The following RBM28 variants were observed in gnomAD, a reference collection of about 807,000 sequenced individuals.
The protein encoded by RBM28 is RNA binding motif protein 28, also known as RNA-binding protein 28.
RBM28 carries 78 observed loss-of-function variants against 98.3 expected under a neutral mutation model. The observed-to-expected ratio is 0.79, with a 90% CI of 0.66 to 0.96. The LOEUF (loss-of-function observed/expected upper bound fraction) is 0.96, where lower values mean the gene tolerates loss of function less well. RBM28 is among the 40% of genes least tolerant of loss of function. The pLI, the probability that RBM28 is intolerant of heterozygous loss-of-function variation, is 0.00. For missense variants in RBM28, 838 were observed against 913.0 expected, an observed-to-expected ratio of 0.92 and a Z score of 1.06; for synonymous variants, 306 against 330.9, an observed-to-expected ratio of 0.92 and a Z score of 0.82.
Position 128,310,628 on chromosome 7 carries a change from A to G in RBM28, c.*169T>C. The G allele has an allele frequency of 1.3e-6, 1 of 790,734 alleles. No individual in the cohort carries two copies. Among genetic ancestry groups the G allele is most frequent in the Admixed American group, 2.2e-5 (1 of 44,790 alleles). The allele number at this position is 790,734 out of a possible 1,614,324, so 49.0% of individuals were successfully genotyped here. A position where few individuals can be genotyped will look rare whatever the true frequency, so the allele number is the denominator to read the frequency against. On this transcript the variant is annotated 3_prime_UTR_variant, in exon 19 of 19. Transcript: ENST00000223073. ...TTTGTGGCTAACGAACCACACATCA[A>G]AGGATGGACCAAAGTTCAGATGTAC...
At chr7:128,311,085 G>T (rs1489525672) in intron 18 of RBM28, among the ~76,000 whole-genome samples, 154 bp from the exon 19 acceptor site, 1 of 152,164 alleles carries the variant, frequency 6.6e-6, no homozygotes, top group East Asian at 1.9e-4. Flanking sequence ...AGAGAGAAAG[G>T]CTCAAACAGA....
intron 1 of RBM28, 109 bp downstream of exon 1, chr7:128,343,567 T>A (rs1796774527): frequency 5.4e-6 from 4 of 746,234 alleles, no homozygotes. Context: ...CTCAGTTCCC[T>A]GTCCCTTCTC....
rs753705888 is a variant in RBM28, at chr7:128,321,336, A to ACAGC, written c.1489_1492dup (p.Val498GlyfsTer4). ...CAGCTTTCTGAGCTGTTTGTCATCT[A>ACAGC]CAGCCTTTGGGAGATTGTGCAGGCA... On this transcript the variant is annotated frameshift_variant, in exon 14 of 19. Transcript: ENST00000223073. LOFTEE classifies it high-confidence loss of function. 3.7e-6 allele frequency: 6 copies of ACAGC among 1,614,200 alleles called. No individual in the cohort carries two copies. In the Admixed American group the frequency reaches 1.0e-4, roughly 27 times the overall value.
In RBM28 at chr7:128,324,571, C is replaced by T; in HGVS notation, c.1327G>A (p.Ala443Thr). The change falls in exon 12 of 19, where the codon GCC becomes ACC. Residue 443 changes from alanine (A) to threonine (T), a missense_variant. Physicochemically the swap from Ala to Thr is moderately conservative, Grantham distance 58 (BLOSUM62 0). Transcript: ENST00000223073. ...KPTGTRNLYL[A>T]REGLIRAGTK... is the part of the protein sequence containing the mutation. Reference sequence around the variant, plus strand: ...TCTCCCTACTCACAGCCTTCTCGGGCCAGATAGAGATTCCGGGTGCCAGTC... The same window carrying T: ...TCTCCCTACTCACAGCCTTCTCGGGTCAGATAGAGATTCCGGGTGCCAGTC... 1 of 1,614,180 alleles carries T rather than the reference C, an allele frequency of 6.2e-7. No individual in the cohort carries two copies. The highest frequency in any genetic ancestry group is 1.3e-5 in the African/African-American group (1 of 75,040).
chr7:128,326,717 G>C (rs924055645), intron 10 of RBM28, among the ~76,000 whole-genome samples: 1 of 152,144 alleles, frequency 6.6e-6, no homozygotes, highest in Non-Finnish European at 1.5e-5. Context: ...CTATGACACA[G>C]GCACTATGTT....
In RBM28 at chr7:128,337,161, A is replaced by C; in HGVS notation, c.583T>G (p.Tyr195Asp). Residue 195 changes from tyrosine (Y) to aspartate (D), a missense_variant, in exon 6 of 19, where the codon TAT (tyrosine) becomes GAT (aspartate). Physicochemically the swap from Tyr to Asp is radical, Grantham distance 160. Transcript: ENST00000223073. ...AVDWAVAKDK[Y>D]KDTQSVSAIG... ...GCAGAAACAGACTGTGTATCTTTAT[A>C]TTTATCCTTTGCCACGGCCCAATCC... is the stretch of plus-strand genomic sequence containing the variant. 6.2e-7 allele frequency: 1 copy of C among 1,614,128 alleles called. No homozygotes were observed. Among genetic ancestry groups the C allele is most frequent in the Non-Finnish European group, 8.5e-7 (1 of 1,180,012 alleles).
chr7:128,329,814 A>G (rs6467174), intron 10 of RBM28, among the ~76,000 whole-genome samples: 16,702 of 141,114 alleles, frequency 0.12, 1,490 homozygotes, highest in African/African-American at 0.25. Flanking sequence ...GCGTGAACCC[A>G]GGAGGCGGAG....
intron 13 of RBM28, among the ~76,000 whole-genome samples, chr7:128,322,003 G>A (rs1016429555): frequency 1.3e-5 from 2 of 151,060 alleles, no homozygotes; most frequent in African/African-American, 2.4e-5. Context: ...AGCCAGGATC[G>A]TGCCATTGCA....
chr7:128,343,584 G>T (rs1014348998), intron 1 of RBM28, 92 bp downstream of exon 1: 29 of 862,090 alleles, frequency 3.4e-5, no homozygotes, highest in Non-Finnish European at 5.0e-5. Context: ...TCTCTTCGGG[G>T]AGGGTAAAGA....
chr7:128,331,331 T>TAA lies in RBM28; in HGVS notation c.1020-405_1020-404dup, dbSNP rs34522896. Among the ~76,000 whole-genome samples, 309 of 139,392 alleles carry TAA rather than the reference T, an allele frequency of 2.2e-3. 2 individuals are homozygous for TAA. Among genetic ancestry groups the TAA allele is most frequent in the Middle Eastern group, 7.2e-3 (2 of 276 alleles). 91.4% of individuals were successfully genotyped at this position (139,392 alleles called of 152,430 possible). A position where few individuals can be genotyped will look rare whatever the true frequency, so the allele number is the denominator to read the frequency against. On this transcript the variant is annotated intron_variant, in intron 9 of 18. Coordinates refer to ENST00000223073, the MANE Select transcript of RBM28 (RefSeq NM_018077.3). Reference sequence around the variant, plus strand: ...ACTTTACAGAATCTATGTTATACCTTAAAAAAAAAAAAAAAAGTGGTGTCC... The same window carrying TAA: ...ACTTTACAGAATCTATGTTATACCTTAAAAAAAAAAAAAAAAAAGTGGTGTCC...
intron 2 of RBM28, 138 bp downstream of exon 2, chr7:128,339,495 A>G: frequency 8.1e-7 from 1 of 1,237,208 alleles, no homozygotes; most frequent in South Asian, 1.3e-5. Flanking sequence ...ATCACAATAC[A>G]CTGGATGATT....
In RBM28 at chr7:128,309,265, GAC is replaced by G. The variant is rs1383927828; in HGVS notation, c.*1530_*1531del. On this transcript the variant is annotated 3_prime_UTR_variant, in exon 19 of 19. Coordinates refer to ENST00000223073, the MANE Select transcript of RBM28 (RefSeq NM_018077.3). ...ACAAAGCATACATTCTAACTGGAGA[GAC>G]AAACAATTTCAGATAGAGATTAGTG... 6.6e-6 allele frequency: 1 copy of G among 152,220 alleles called. No homozygotes were observed. Among genetic ancestry groups the G allele is most frequent in the African/African-American group, 2.4e-5 (1 of 41,436 alleles). The allele number at this position is 152,220 out of a possible 1,614,324, so 9.4% of individuals were successfully genotyped here. A position where few individuals can be genotyped will look rare whatever the true frequency, so the allele number is the denominator to read the frequency against.
chr7:128,338,409 A>AT (rs2116389756), intron 4 of RBM28, 67 bp from the exon 5 acceptor site: 1 of 1,328,998 alleles, frequency 7.5e-7, no homozygotes, highest in African/African-American at 1.4e-5. Flanking sequence ...TAAGAAGTAA[A>AT]TTACTGCAAT....
At chr7:128,324,484 G>A in intron 12 of RBM28, 75 bp downstream of exon 12, 6 of 1,591,192 alleles carry the variant, frequency 3.8e-6, no homozygotes, top group Non-Finnish European at 5.2e-6. Flanking sequence ...ATGCTTCCAG[G>A]CATACTATTG....
Position 128,336,042 on chromosome 7 carries a change from C to T in RBM28, c.614G>A (p.Gly205Asp), listed in dbSNP as rs757954490. The change falls in exon 7 of 19, where the codon GGT becomes GAT. Residue 205 changes from glycine to aspartate, a missense_variant and splice_region_variant. Gly to Asp is a moderately conservative substitution (Grantham distance 94, BLOSUM62 -1). Coordinates refer to ENST00000223073, the MANE Select transcript of RBM28 (RefSeq NM_018077.3). ...YKDTQSVSAI[G>D]EEKSHESKHQ... Reference sequence around the variant, plus strand: ...TTTAGATTCATGGCTCTTTTCCTCACCTATGGAGGGAGGTAAAGAAAGGAG... The same window carrying T: ...TTTAGATTCATGGCTCTTTTCCTCATCTATGGAGGGAGGTAAAGAAAGGAG... 3.7e-6 allele frequency: 6 copies of T among 1,607,796 alleles called. No homozygotes were observed. In the South Asian group the frequency reaches 5.5e-5, roughly 15 times the overall value.
intron 3 of RBM28, 148 bp from the exon 4 acceptor site, chr7:128,338,949 G>A: frequency 1.3e-6 from 1 of 753,240 alleles, no homozygotes; most frequent in Non-Finnish European, 2.3e-6. Context: ...TTTCTAAATA[G>A]AAGACATTTT....
chr7:128,343,789 G>A lies in RBM28; in HGVS notation c.5C>T (p.Ala2Val). ...GCGGCCCACAAATAAGGTCAGGCCG[G>A]CCATGAGACCGGGAAACCCAAAGCG... M[A>V]GLTLFVGRLP... The change falls in exon 1 of 19, where the codon GCC becomes GTC. Residue 2 changes from alanine to valine, a missense_variant. Coordinates refer to ENST00000223073, the MANE Select transcript of RBM28 (RefSeq NM_018077.3). 5 of 1,596,238 alleles carry A rather than the reference G, an allele frequency of 3.1e-6. No individual in the cohort carries two copies. The highest frequency in any genetic ancestry group is 3.4e-6 in the Non-Finnish European group (4 of 1,171,214).
In RBM28 at chr7:128,317,687, A is replaced by G; in HGVS notation, c.1760T>C (p.Met587Thr). Reference sequence around the variant, plus strand: ...GCTGCGCTGGATCCTTAATTCCTTCATTTTAAGTTTTCTTCGATCTTCTAA... The same window carrying G: ...GCTGCGCTGGATCCTTAATTCCTTCGTTTTAAGTTTTCTTCGATCTTCTAA... The part of the protein sequence containing the change: ...FSLEDRRKLK[M>T]KELRIQRSLQ... The change falls in exon 16 of 19, where the codon ATG becomes ACG. Residue 587 changes from methionine (M) to threonine (T), a missense_variant. By Grantham distance (81) the Met-to-Thr change is moderately conservative (BLOSUM62 -1). Coordinates refer to ENST00000223073, the MANE Select transcript of RBM28 (RefSeq NM_018077.3). 1 of 1,609,054 alleles carries G rather than the reference A, an allele frequency of 6.2e-7. No homozygotes were observed. The highest frequency in any genetic ancestry group is 8.5e-7 in the Non-Finnish European group (1 of 1,175,418).
chr7:128,324,744 T>C, intron 11 of RBM28, 50 bp from the exon 12 acceptor site: 1 of 1,612,646 alleles, frequency 6.2e-7, no homozygotes, highest in Non-Finnish European at 8.5e-7. Flanking sequence ...CCGGGCACAG[T>C]GGCTCACACC....
Sources: allele counts gnomAD v4.1 joint callset (sites outside exome capture counted in the v4.1 genomes callset), GRCh38; gene constraint gnomAD v4.1.1; transcripts MANE v1.5; gene names NCBI Gene and HGNC (gene_info 2026-07-23, HGNC 2026-07-21).